POLD2: variants seen among roughly 807,000 people sequenced by gnomAD.
The protein encoded by POLD2 is DNA polymerase delta 2, accessory subunit, also known as DNA polymerase delta subunit 2.
Under a neutral mutation model 48.8 loss-of-function variants are expected in POLD2, and 31 were observed. The ratio of observed to expected loss-of-function variants is 0.64; its 90% CI spans 0.48 to 0.86. POLD2 has a LOEUF of 0.86. Among genes scored for constraint, POLD2 ranks in the 40% least tolerant of loss-of-function variants. The pLI is 0.00. For synonymous variants in POLD2, 233 were observed against 256.3 expected, an observed-to-expected ratio of 0.91 and a Z score of 0.87; for missense variants, 455 against 610.1, an observed-to-expected ratio of 0.75 and a Z score of 2.68.
rs1474430464 is a variant in POLD2 at position 44,116,606 on chromosome 7, A to G, written c.781-96T>C. 9.0e-7 allele frequency: 1 copy of G among 1,111,074 alleles called. No individual in the cohort carries two copies. The highest frequency in any genetic ancestry group is 1.6e-5 in the African/African-American group (1 of 64,470). 68.8% of individuals were successfully genotyped at this position (1,111,074 alleles called of 1,614,324 possible). A position where few individuals can be genotyped will look rare whatever the true frequency, so the allele number is the denominator to read the frequency against. On this transcript the variant is annotated intron_variant, in intron 6 of 10. Coordinates refer to ENST00000610533, the MANE Select transcript of POLD2 (RefSeq NM_006230.4). The surrounding 1 kb of genome is among the most constrained non-coding windows in gnomAD (Gnocchi z 6.1). ...AGCTGGAAGATGCAGTTGTTGTCCC[A>G]TAGACCCTCACTCCCTTCAAGCCTC... is the stretch of plus-strand genomic sequence containing the variant.
intron 2 of POLD2, among the ~76,000 whole-genome samples, chr7:44,119,553 A>G (rs1366430361): frequency 6.6e-6 from 1 of 152,218 alleles, no homozygotes; most frequent in Non-Finnish European, 1.5e-5. Flanking sequence ...CTGTACATGT[A>G]ACTCAGCCAA....
In POLD2 at chr7:44,116,739, C is replaced by T. The variant is rs2096240389; in HGVS notation, c.780+78G>A. The T allele has an allele frequency of 1.3e-6, 2 of 1,510,466 alleles. No individual in the cohort carries two copies. The highest frequency in any genetic ancestry group is 1.7e-5 in the Admixed American group (1 of 58,570). 93.6% of individuals were successfully genotyped at this position (1,510,466 alleles called of 1,614,324 possible). On this transcript the variant is annotated intron_variant, in intron 6 of 10. Coordinates refer to ENST00000610533, the MANE Select transcript of POLD2 (RefSeq NM_006230.4). The surrounding 1 kb of genome is among the most constrained non-coding windows in gnomAD (Gnocchi z 6.1). ...CTGCGAGACCTCACAGGGTACCCTA[C>T]TCGCCCTGGGGAAGGAGGGTCTTAC...
At position 44,116,680 on chromosome 7, in the gene POLD2, GC is replaced by G; in HGVS notation, c.780+136del. On this transcript the variant is annotated intron_variant, in intron 6 of 10. Coordinates refer to ENST00000610533, the MANE Select transcript of POLD2 (RefSeq NM_006230.4). This position sits in a 1 kb window ranked among gnomAD's most constrained non-coding sequence, Gnocchi z 6.1. ...GGCATGAGGAGCCCCATTGCAGGAG[GC>G]CCCAGAGTCACTGCAGGGCGCTTCC... 1 of 1,029,262 alleles carries G rather than the reference GC, an allele frequency of 9.7e-7. No homozygotes were observed. The highest frequency in any genetic ancestry group is 1.4e-6 in the Non-Finnish European group (1 of 694,840). 63.8% of individuals were successfully genotyped at this position (1,029,262 alleles called of 1,614,324 possible). A position where few individuals can be genotyped will look rare whatever the true frequency, so the allele number is the denominator to read the frequency against.
intron 2 of POLD2, among the ~76,000 whole-genome samples, chr7:44,120,231 C>G (rs1276427320): frequency 6.6e-6 from 1 of 152,212 alleles, no homozygotes; most frequent in East Asian, 1.9e-4. Flanking sequence ...CCTGACCAGT[C>G]TGTGAGCACA....
rs3087369 is a variant in POLD2, at chr7:44,114,687, T to C, written c.*98A>G. The C allele has an allele frequency of 0.012, 15,984 of 1,300,580 alleles. 152 individuals are homozygous for C. Among genetic ancestry groups the C allele is most frequent in the Non-Finnish European group, 0.015 (13,854 of 939,912 alleles). The allele number at this position is 1,300,580 out of a possible 1,614,324, so 80.6% of individuals were successfully genotyped here. On this transcript the variant is annotated 3_prime_UTR_variant, in exon 11 of 11. Transcript: ENST00000610533. ...AGCCAGAGTGCCCAGGGCTCAAGGC[T>C]CGCATCAGCAAGTGCTCAGGCTTTA...
intron 2 of POLD2, among the ~76,000 whole-genome samples, chr7:44,119,529 A>G (rs2096245448): frequency 6.6e-6 from 1 of 152,220 alleles, no homozygotes. Context: ...ACTCTCCCCC[A>G]GGTGGCCTAA....
intron 2 of POLD2, 128 bp from the exon 3 acceptor site, chr7:44,118,192 A>C: frequency 9.3e-7 from 1 of 1,070,656 alleles, no homozygotes; most frequent in Non-Finnish European, 1.3e-6. Flanking sequence ...AGAGAACATC[A>C]AGTACAAGGA....
At chr7:44,117,916 G>A (rs2128811330) in intron 3 of POLD2, 27 bp downstream of exon 3, 2 of 1,610,372 alleles carry the variant, frequency 1.2e-6, no homozygotes, top group East Asian at 4.5e-5. Context: ...CTGCCTGGCG[G>A]CCCCACTGTG....
At chr7:44,123,797 GC>G (rs2096251849), upstream of POLD2, 1 of 1,050,050 alleles carries the variant, frequency 9.5e-7, no homozygotes. Flanking sequence ...CAGGGGTTGG[GC>G]TGACGGGGGG....
rs945654202 is a variant in POLD2 at position 44,114,804 on chromosome 7, C to T, written c.1391G>A (p.Gly464Asp). Residue 464 changes from glycine (G) to aspartate (D), a missense_variant, in exon 11 of 11, where the codon GGC becomes GAC. Physicochemically the swap from Gly to Asp is moderately conservative, Grantham distance 94. Transcript: ENST00000610533. ...TTTGAGTCAGGGGCCCAGCCCCAGGCCTCCCAGGTCATCGTCCTCTGCCCC... is the reference window on the plus strand; with the variant it reads ...TTTGAGTCAGGGGCCCAGCCCCAGGTCTCCCAGGTCATCGTCCTCTGCCCC... Reference protein sequence around the residue: ...GFGAEDDDLGGLGLGP With the variant: ...GFGAEDDDLGDLGLGP The T allele has an allele frequency of 4.3e-6, 7 of 1,610,818 alleles. No individual in the cohort carries two copies. In the African/African-American group the frequency reaches 9.3e-5, roughly 22 times the overall value.
At chr7:44,123,643 C>T (rs1334346789), upstream of POLD2, 2 of 1,384,252 alleles carry the variant, frequency 1.4e-6, no homozygotes, top group Non-Finnish European at 1.9e-6. Flanking sequence ...CCGTCCGTCA[C>T]CAGGCGCCTC....
rs766782667 is a variant in POLD2, at chr7:44,114,692, T to A, written c.*93A>T. On this transcript the variant is annotated 3_prime_UTR_variant, in exon 11 of 11. Coordinates refer to ENST00000610533, the MANE Select transcript of POLD2 (RefSeq NM_006230.4). ...GAGTGCCCAGGGCTCAAGGCTCGCA[T>A]CAGCAAGTGCTCAGGCTTTATTTAC... is the stretch of plus-strand genomic sequence containing the variant. 14 of 1,353,928 alleles carry A rather than the reference T, an allele frequency of 1.0e-5. No homozygotes were observed. Among genetic ancestry groups the A allele is most frequent in the Non-Finnish European group, 1.4e-5 (14 of 985,260 alleles). The allele number at this position is 1,353,928 out of a possible 1,614,324, so 83.9% of individuals were successfully genotyped here.
chr7:44,121,222 G>A lies in POLD2; in HGVS notation c.220+612C>T, dbSNP rs3217951. On this transcript the variant is annotated intron_variant, in intron 2 of 10. Transcript: ENST00000610533. This position sits in a 1 kb window ranked among gnomAD's most constrained non-coding sequence, Gnocchi z 4.5. ...ACCTAAAACTCAAATAAACTCAAAG[G>A]GGGAGATGGGGGTCCCTGCTTCACC... Among the ~76,000 whole-genome samples, 753 of 152,244 alleles carry A rather than the reference G, an allele frequency of 4.9e-3. 16 individuals are homozygous for A. The highest frequency in any genetic ancestry group is 0.041 in the Admixed American group (632 of 15,292).
At chr7:44,123,954 C>T (rs1038668713), upstream of POLD2, among the ~76,000 whole-genome samples, 5 of 152,256 alleles carry the variant, frequency 3.3e-5, no homozygotes, top group Admixed American at 3.3e-4. Flanking sequence ...CGCAGAGCTG[C>T]CCACTTGTAG....
upstream of POLD2, among the ~76,000 whole-genome samples, chr7:44,124,069 G>A (rs903190498): frequency 1.3e-5 from 2 of 152,198 alleles, no homozygotes; most frequent in Non-Finnish European, 2.9e-5. Context: ...GGGGTCTCGG[G>A]GTTCCTCCCG....
At chr7:44,123,451 C>CG (rs1161821094) in intron 1 of POLD2, 60 bp downstream of exon 1, 1 of 1,492,682 alleles carries the variant, frequency 6.7e-7, no homozygotes, top group African/African-American at 1.5e-5. Context: ...CCCAGGAGCC[C>CG]GGCCTCGCGG....
Position 44,116,701 on chromosome 7 carries a change from G to A in POLD2, c.780+116C>T, listed in dbSNP as rs1055213213. 10 of 1,173,390 alleles carry A rather than the reference G, an allele frequency of 8.5e-6. No individual in the cohort carries two copies. The highest frequency in any genetic ancestry group is 6.0e-5 in the Admixed American group (3 of 49,938). 72.7% of individuals were successfully genotyped at this position (1,173,390 alleles called of 1,614,324 possible). On this transcript the variant is annotated intron_variant, in intron 6 of 10. Transcript: ENST00000610533. The surrounding 1 kb of genome is among the most constrained non-coding windows in gnomAD (Gnocchi z 6.1). ...GGAGGCCCCAGAGTCACTGCAGGGCGCTTCCCACCGACCTGCGAGACCTCA... is the reference window on the plus strand; with the variant it reads ...GGAGGCCCCAGAGTCACTGCAGGGCACTTCCCACCGACCTGCGAGACCTCA...
In POLD2 at chr7:44,116,441, G is replaced by A. The variant is rs61756400; in HGVS notation, c.850C>T (p.Leu284=). Residue 284 remains leucine (L), a synonymous_variant, in exon 7 of 11, where the codon CTG becomes TTG. Transcript: ENST00000610533. The surrounding 1 kb of genome is among the most constrained non-coding windows in gnomAD (Gnocchi z 6.1). The part of the protein sequence containing the change: ...EAVKMLDEIL[L]QLSASVPVDV... ...CCCAGCTCGCTCACGCTCAGCTGCA[G>A]GAGGATCTCATCCAGCATCTTAACA... 7.7e-4 allele frequency: 1,219 copies of A among 1,579,888 alleles called. 23 individuals are homozygous for A. In the South Asian group the frequency reaches 0.013, roughly 17 times the overall value.
chr7:44,116,892 G>A lies in POLD2; in HGVS notation c.705C>T (p.Ala235=), dbSNP rs556448291. 4.9e-5 allele frequency: 79 copies of A among 1,613,918 alleles called. No homozygotes were observed. In the Admixed American group the frequency reaches 5.5e-4, roughly 11 times the overall value. Residue 235 remains alanine (A), a synonymous_variant, in exon 6 of 11, where the codon GCC becomes GCT. Coordinates refer to ENST00000610533, the MANE Select transcript of POLD2 (RefSeq NM_006230.4). The surrounding 1 kb of genome is among the most constrained non-coding windows in gnomAD (Gnocchi z 6.1). The part of the protein sequence containing the change: ...QLGDEGEQCS[A]AHVSRVILAG... ...CGAGGATAACCCGGGAGACGTGGGC[G>A]GCGCTGCACTGCTCCCCTTCGTCCC...
Sources: allele counts gnomAD v4.1 joint callset (sites outside exome capture counted in the v4.1 genomes callset), GRCh38; gene constraint gnomAD v4.1.1; non-coding constraint Gnocchi (gnomAD v3.1); transcripts MANE v1.5; gene names NCBI Gene and HGNC (gene_info 2026-07-23, HGNC 2026-07-21).